The following MIS18BP1 variants were observed in gnomAD, a reference collection of about 807,000 sequenced individuals.
The protein encoded by MIS18BP1 is mis18-binding protein 1.
Under a neutral mutation model 116.1 loss-of-function variants are expected in MIS18BP1, and 72 were observed. That is an observed-to-expected ratio of 0.62 (90% CI 0.51 to 0.75). MIS18BP1 has a LOEUF of 0.75. Ranked by LOEUF, MIS18BP1 falls within the 30% of genes least tolerant of loss-of-function variation. MIS18BP1 has a pLI of 0.00. For synonymous variants in MIS18BP1, 386 were observed against 427.0 expected (o/e 0.90, Z 1.18); for missense variants, 1,363 against 1,303.2 (o/e 1.05, Z -0.71).
chr14:45,208,516 T>C (rs1378832850), intron 14 of MIS18BP1, among the ~76,000 whole-genome samples: 1 of 151,906 alleles, frequency 6.6e-6, no homozygotes, highest in Non-Finnish European at 1.5e-5. Context: ...GTATTTTTAG[T>C]AGAGATGGGG....
In MIS18BP1 at chr14:45,210,387, T is replaced by C. The variant is rs749931727; in HGVS notation, c.3145A>G (p.Ile1049Val). The C allele has an allele frequency of 1.9e-6, 3 of 1,613,326 alleles. No individual in the cohort carries two copies. Among genetic ancestry groups the C allele is most frequent in the Admixed American group, 1.7e-5 (1 of 59,824 alleles). The change falls in exon 14 of 17, where the codon ATA (isoleucine) becomes GTA (valine). Residue 1049 changes from isoleucine (I) to valine (V), a missense_variant. Coordinates refer to ENST00000310806, the MANE Select transcript of MIS18BP1 (RefSeq NM_018353.5). ...QHVSPGMLGSINRNDCDKYVF... is the reference protein window; with the variant it reads ...QHVSPGMLGSVNRNDCDKYVF... ...ATATGCATGAATATTTACCTATTTA[T>C]AGAACCTAGCATGCCAGGACTGACA...
In MIS18BP1 at chr14:45,247,235, A is replaced by G. The variant is rs1566823901; in HGVS notation, c.52T>C (p.Ser18Pro). ...ATGGGTAGATTTCTCCTTTGAGAAGATGCCTCTGGAGGTAAGTAAATTCTT... is the reference window on the plus strand; with the variant it reads ...ATGGGTAGATTTCTCCTTTGAGAAGGTGCCTCTGGAGGTAAGTAAATTCTT... The part of the protein sequence containing the change: ...HSRIYLPPEA[S>P]SQRRNLPMDA... The change falls in exon 2 of 17, where the codon TCT becomes CCT. Residue 18 changes from serine to proline, a missense_variant. By Grantham distance (74) the Ser-to-Pro change is moderately conservative. Coordinates refer to ENST00000310806, the MANE Select transcript of MIS18BP1 (RefSeq NM_018353.5). 1 of 1,609,398 alleles carries G rather than the reference A, an allele frequency of 6.2e-7. No individual in the cohort carries two copies. The highest frequency in any genetic ancestry group is 1.7e-5 in the Admixed American group (1 of 59,054).
At chr14:45,221,369 G>A (rs1890970537) in intron 11 of MIS18BP1, among the ~76,000 whole-genome samples, 1 of 152,102 alleles carries the variant, frequency 6.6e-6, no homozygotes, top group East Asian at 1.9e-4. Context: ...CCTGGGAGGT[G>A]GAGCTTGCAG....
intron 1 of MIS18BP1, among the ~76,000 whole-genome samples, chr14:45,248,110 G>T (rs1440664519): frequency 7.1e-6 from 1 of 139,938 alleles, no homozygotes; most frequent in Non-Finnish European, 1.5e-5. Context: ...TTGTTGCCCA[G>T]GCTGGAGTGC....
intron 13 of MIS18BP1, among the ~76,000 whole-genome samples, chr14:45,211,225 G>C (rs1325891001): frequency 1.3e-5 from 2 of 152,000 alleles, no homozygotes; most frequent in African/African-American, 4.8e-5. Flanking sequence ...CATTTATCTG[G>C]TCATGTATTT....
intron 11 of MIS18BP1, among the ~76,000 whole-genome samples, chr14:45,220,735 G>A (rs111927134): frequency 6.6e-6 from 1 of 152,144 alleles, no homozygotes; most frequent in Non-Finnish European, 1.5e-5. Context: ...TAGAAAGTAC[G>A]ACAGAAATCA....
chr14:45,236,012 T>C (rs1017448093), intron 5 of MIS18BP1, 68 bp from the exon 6 acceptor site: 39 of 1,393,056 alleles, frequency 2.8e-5, no homozygotes, highest in Non-Finnish European at 3.5e-5. Flanking sequence ...GAAAATAATT[T>C]TACACTTTAG....
intron 11 of MIS18BP1, among the ~76,000 whole-genome samples, chr14:45,221,575 A>G (rs890059315): frequency 6.6e-6 from 1 of 151,992 alleles, no homozygotes; most frequent in Non-Finnish European, 1.5e-5. Flanking sequence ...TCCTATCTTT[A>G]TTTTATTGAT....
chr14:45,227,955 T>C (rs925539256), intron 8 of MIS18BP1, 141 bp from the exon 9 acceptor site: 30 of 765,804 alleles, frequency 3.9e-5, no homozygotes, highest in South Asian at 3.6e-5. Context: ...GGGAGGAGGA[T>C]TGCTTGAGCC....
intron 8 of MIS18BP1, among the ~76,000 whole-genome samples, chr14:45,229,629 T>A (rs555645968): frequency 6.6e-6 from 1 of 152,306 alleles, no homozygotes; most frequent in South Asian, 2.1e-4. Context: ...TTAAACACTT[T>A]ACTGATAATA....
intron 5 of MIS18BP1, among the ~76,000 whole-genome samples, chr14:45,236,852 A>G (rs1221376212): frequency 3.9e-5 from 6 of 152,138 alleles, no homozygotes. Flanking sequence ...TCCAGGTAAT[A>G]CAGATAGTAG....
chr14:45,206,097 T>A lies in MIS18BP1; in HGVS notation c.3226A>T (p.Ile1076Phe). Residue 1076 changes from isoleucine to phenylalanine, a missense_variant, in exon 15 of 17, where the codon ATC becomes TTC. Transcript: ENST00000310806. Reference sequence around the variant, plus strand: ...AAAATACTTACTAATTTTTTCTTGATGTTGCCCCAGACAATACCACCATTA... The same window carrying A: ...AAAATACTTACTAATTTTTTCTTGAAGTTGCCCCAGACAATACCACCATTA... Reference protein sequence around the residue: ...KSNGGIVWGNIKKKLVETDFS... With the variant: ...KSNGGIVWGNFKKKLVETDFS... 6.2e-7 allele frequency: 1 copy of A among 1,601,946 alleles called. No homozygotes were observed. The highest frequency in any genetic ancestry group is 8.5e-7 in the Non-Finnish European group (1 of 1,170,324).
intron 9 of MIS18BP1, 50 bp downstream of exon 9, chr14:45,227,613 C>T (rs760697457): frequency 1.4e-6 from 2 of 1,467,324 alleles, no homozygotes; most frequent in Non-Finnish European, 1.9e-6. Flanking sequence ...AGTAGTAAAT[C>T]ACCCTTCTAA....
At chr14:45,210,660 T>C in intron 13 of MIS18BP1, 132 bp from the exon 14 acceptor site, 1 of 1,064,214 alleles carries the variant, frequency 9.4e-7, no homozygotes, top group East Asian at 2.4e-5. Flanking sequence ...AAAACAGTAG[T>C]ACGTAGAGGA....
At position 45,226,814 on chromosome 14, in the gene MIS18BP1, T is replaced by C. The variant is rs1035185594; in HGVS notation, c.1769A>G (p.Tyr590Cys). 7.1e-7 allele frequency: 1 copy of C among 1,401,170 alleles called. No individual in the cohort carries two copies. The highest frequency in any genetic ancestry group is 9.5e-7 in the Non-Finnish European group (1 of 1,055,250). The allele number at this position is 1,401,170 out of a possible 1,614,324, so 86.8% of individuals were successfully genotyped here. ...TTTTAGTTTCTTTGAAGACATTTTA[T>C]ATTCTTTTTTTCCAATTAATTCCTT... The part of the protein sequence containing the change: ...SNQELIGKKE[Y>C]KMSSKKLKIG... The change falls in exon 10 of 17, where the codon TAT (tyrosine) becomes TGT (cysteine). Residue 590 changes from tyrosine (Y) to cysteine (C), a missense_variant. Transcript: ENST00000310806.
intron 4 of MIS18BP1, among the ~76,000 whole-genome samples, chr14:45,238,785 T>C (rs1489163584): frequency 1.3e-5 from 2 of 152,092 alleles, no homozygotes; most frequent in Non-Finnish European, 1.5e-5. Context: ...CAACAGGTGA[T>C]GGAACAAGAC....
At chr14:45,244,039 C>A (rs1566821997) in intron 2 of MIS18BP1, among the ~76,000 whole-genome samples, 1 of 152,128 alleles carries the variant, frequency 6.6e-6, no homozygotes, top group East Asian at 1.9e-4. Flanking sequence ...TGAGTCTCCC[C>A]ACTTCTACCC....
At chr14:45,252,853 CT>C (rs1891917084) in intron 1 of MIS18BP1, among the ~76,000 whole-genome samples, 181 bp downstream of exon 1, 1 of 152,126 alleles carries the variant, frequency 6.6e-6, no homozygotes, top group Non-Finnish European at 1.5e-5. Flanking sequence ...GTTCTACTCT[CT>C]TAAGTACAGT....
At position 45,242,019 on chromosome 14, in the gene MIS18BP1, TA is replaced by T. The variant is rs1326383009; in HGVS notation, c.1143+14del. 6.3e-7 allele frequency: 1 copy of T among 1,586,196 alleles called. No individual in the cohort carries two copies. Among genetic ancestry groups the T allele is most frequent in the African/African-American group, 1.4e-5 (1 of 73,440 alleles). ...TAAAAATAGAAATAAATATCTGTCT[TA>T]AAAGTTTTCCCACCTGATTTTTTTT... is the stretch of plus-strand genomic sequence containing the variant. On this transcript the variant is annotated intron_variant, in intron 4 of 16. Coordinates refer to ENST00000310806, the MANE Select transcript of MIS18BP1 (RefSeq NM_018353.5).
Sources: allele counts gnomAD v4.1 joint callset (sites outside exome capture counted in the v4.1 genomes callset), GRCh38; gene constraint gnomAD v4.1.1; transcripts MANE v1.5; gene names NCBI Gene and HGNC (gene_info 2026-07-23, HGNC 2026-07-21).